Variants in BTD observed in about 807,000 individuals in gnomAD.
BTD encodes the protein biotinidase.
A neutral mutation model predicts 17.7 loss-of-function variants in BTD; 13 were observed. That is an observed-to-expected ratio of 0.74 (90% CI 0.48 to 1.17). The LOEUF (loss-of-function observed/expected upper bound fraction) is 1.17. Ranked by LOEUF, BTD falls within the 50% of genes most tolerant of loss-of-function variation. BTD has a pLI of 0.00. For synonymous variants in BTD, 240 were observed against 245.2 expected (o/e 0.98, Z 0.20); for missense variants, 674 against 650.4 (o/e 1.04, Z -0.39).
In BTD at chr3:15,608,938, T is replaced by G. The variant is rs533325694; in HGVS notation, c.-17+7044T>G. Among the ~76,000 whole-genome samples, 33 of 152,318 alleles carry G rather than the reference T, an allele frequency of 2.2e-4. No individual in the cohort carries two copies. In the South Asian group the frequency reaches 6.4e-3, roughly 30 times the overall value. ...GCCATTAGCATTCATTACAGCCCTT[T>G]CCTTTAACTTTTTAATTTGTACTTT... is the stretch of plus-strand genomic sequence containing the variant. On this transcript the variant is annotated intron_variant, in intron 1 of 3. Transcript: ENST00000643237.
intron 3 of BTD, among the ~76,000 whole-genome samples, chr3:15,699,280 T>C (rs1391343697): frequency 1.3e-5 from 2 of 151,986 alleles, no homozygotes; most frequent in Non-Finnish European, 2.9e-5. Flanking sequence ...CCTAAAACCA[T>C]AAAAAACCCT....
At chr3:15,667,134 A>G (rs764269862) in intron 3 of BTD, 3 of 152,254 alleles carry the variant, frequency 2.0e-5, no homozygotes, top group Non-Finnish European at 2.9e-5. Context: ...CAACTTTGCT[A>G]AAAAGTCATT....
chr3:15,687,957 T>C (rs925813200), intron 3 of BTD, among the ~76,000 whole-genome samples: 4 of 152,220 alleles, frequency 2.6e-5, no homozygotes, highest in African/African-American at 9.6e-5. Flanking sequence ...CCCTCAGTGT[T>C]CTTTTCATGG....
At chr3:15,701,909 T>C (rs1250923350) in intron 3 of BTD, among the ~76,000 whole-genome samples, 1 of 152,120 alleles carries the variant, frequency 6.6e-6, no homozygotes, top group Non-Finnish European at 1.5e-5. Flanking sequence ...AGGAATACTT[T>C]ACAGGCAAAA....
chr3:15,692,143 A>AT (rs1491098461), intron 3 of BTD, among the ~76,000 whole-genome samples: 102 of 128,378 alleles, frequency 7.9e-4, no homozygotes, highest in African/African-American at 2.1e-3. Context: ...GTATCTCTAA[A>AT]TAAAAAAAAA....
At chr3:15,701,389 A>C (rs2070584183) in intron 3 of BTD, among the ~76,000 whole-genome samples, 1 of 152,230 alleles carries the variant, frequency 6.6e-6, no homozygotes, top group Non-Finnish European at 1.5e-5. Context: ...TCATGCCTGT[A>C]ATCCCAGCAC....
intron 1 of BTD, among the ~76,000 whole-genome samples, chr3:15,613,710 C>T (rs976947835): frequency 6.6e-6 from 1 of 151,898 alleles, no homozygotes; most frequent in African/African-American, 2.4e-5. Flanking sequence ...CCTTTGTTTT[C>T]GTATAGTATC....
At chr3:15,689,368 G>C (rs1005957134) in intron 3 of BTD, among the ~76,000 whole-genome samples, 1 of 152,192 alleles carries the variant, frequency 6.6e-6, no homozygotes, top group Non-Finnish European at 1.5e-5. Flanking sequence ...CAGTAGGTGT[G>C]ACATAGAATT....
At chr3:15,705,069 A>G (rs1232550244) in intron 3 of BTD, among the ~76,000 whole-genome samples, 1 of 152,218 alleles carries the variant, frequency 6.6e-6, no homozygotes, top group Non-Finnish European at 1.5e-5. Context: ...TGGAAACTCC[A>G]AGATTTAAAT....
intron 3 of BTD, chr3:15,707,984 T>A (rs1402183982): frequency 6.2e-7 from 1 of 1,612,386 alleles, no homozygotes; most frequent in East Asian, 2.2e-5. Context: ...TTCATCAAGG[T>A]CATTCACACT....
chr3:15,614,776 T>C (rs1473492045), intron 1 of BTD, among the ~76,000 whole-genome samples: 2 of 151,854 alleles, frequency 1.3e-5, no homozygotes, highest in Non-Finnish European at 2.9e-5. Flanking sequence ...TTTGTATTTT[T>C]TGTAGAGATG....
At chr3:15,690,334 T>A (rs1409209387) in intron 3 of BTD, 1 of 840,894 alleles carries the variant, frequency 1.2e-6, no homozygotes, top group Non-Finnish European at 1.8e-6. Context: ...CTACTTGAGA[T>A]AATCCAAACT....
Position 15,645,607 on chromosome 3 carries a change from C to A in BTD, c.*119C>A. ...TAAGGGCAGGAGCCCACTTCTGTGG[C>A]ACCAGATTCCACCCTGGGAACTGTG... On this transcript the variant is annotated 3_prime_UTR_variant, in exon 4 of 4. Transcript: ENST00000643237. 9.0e-7 allele frequency: 1 copy of A among 1,116,408 alleles called. No homozygotes were observed. The highest frequency in any genetic ancestry group is 1.5e-5 in the South Asian group (1 of 68,692). The allele number at this position is 1,116,408 out of a possible 1,614,324, so 69.2% of individuals were successfully genotyped here.
At chr3:15,667,277 T>C (rs1480484023) in intron 3 of BTD, 1 of 152,214 alleles carries the variant, frequency 6.6e-6, no homozygotes, top group Non-Finnish European at 1.5e-5. Flanking sequence ...AAAGGTCCAA[T>C]ATAAGCCAAA....
In BTD at chr3:15,652,003, C is replaced by T. The variant is rs937344171; in HGVS notation, c.*6515C>T. 1.1e-4 allele frequency among the ~76,000 whole-genome samples: 17 copies of T among 152,134 alleles called. No individual in the cohort carries two copies. Among genetic ancestry groups the T allele is most frequent in the African/African-American group, 3.9e-4 (16 of 41,428 alleles). On this transcript the variant is annotated 3_prime_UTR_variant, in exon 4 of 4. Transcript: ENST00000643237. ...TGTAACCAATAAAATATGGCAGATG[C>T]GATGGCATGTTACTTCTGAAATTGG...
Position 15,644,800 on chromosome 3 carries a change from C to T in BTD, c.884C>T (p.Thr295Ile). 3 of 1,614,184 alleles carry T rather than the reference C, an allele frequency of 1.9e-6. No individual in the cohort carries two copies. Among genetic ancestry groups the T allele is most frequent in the African/African-American group, 1.3e-5 (1 of 75,030 alleles). The change falls in exon 4 of 4, where the codon ACC becomes ATC. Residue 295 changes from threonine to isoleucine, a missense_variant. Coordinates refer to ENST00000643237, the MANE Select transcript of BTD (RefSeq NM_001370658.1). ...VLGMTGSGIH[T>I]PLESFWYHDM... is the part of the protein sequence containing the mutation. Reference sequence around the variant, plus strand: ...GGGATGACAGGAAGTGGCATACACACCCCTCTGGAGTCCTTTTGGTACCAT... The same window carrying T: ...GGGATGACAGGAAGTGGCATACACATCCCTCTGGAGTCCTTTTGGTACCAT...
chr3:15,643,046 A>AT (rs1553653349), intron 3 of BTD, among the ~76,000 whole-genome samples: 1,057 of 66,196 alleles, frequency 0.016, 9 homozygotes, highest in African/African-American at 0.04. Context: ...AAAAAAAAAT[A>AT]AAATAAAATA....
Position 15,649,998 on chromosome 3 carries a change from A to G in BTD, c.*4510A>G, listed in dbSNP as rs115371585. 1.9e-3 allele frequency among the ~76,000 whole-genome samples: 291 copies of G among 152,342 alleles called. No homozygotes were observed. Among genetic ancestry groups the G allele is most frequent in the African/African-American group, 6.5e-3 (270 of 41,564 alleles). ...AGAGAGATATTAATGAATTGCCCAC[A>G]TGCAAATATGTGCTGAGTCTTGGAT... On this transcript the variant is annotated 3_prime_UTR_variant, in exon 4 of 4. Coordinates refer to ENST00000643237, the MANE Select transcript of BTD (RefSeq NM_001370658.1).
At chr3:15,615,608 A>G (rs2064769375) in intron 1 of BTD, among the ~76,000 whole-genome samples, 1 of 152,192 alleles carries the variant, frequency 6.6e-6, no homozygotes, top group Admixed American at 6.5e-5. Context: ...GCTTTTTTTA[A>G]AAGAGAAGTT....
Sources: allele counts gnomAD v4.1 joint callset (sites outside exome capture counted in the v4.1 genomes callset), GRCh38; gene constraint gnomAD v4.1.1; transcripts MANE v1.5; gene names NCBI Gene and HGNC (gene_info 2026-07-23, HGNC 2026-07-21).